Variants in NEK1 observed in about 807,000 individuals in gnomAD.
NEK1 encodes the protein NIMA related kinase 1.
NEK1 carries 137 observed loss-of-function variants against 182.1 expected under a neutral mutation model. The observed-to-expected ratio is 0.75, with a 90% CI of 0.65 to 0.87. The LOEUF (loss-of-function observed/expected upper bound fraction) is 0.87. Among genes scored for constraint, NEK1 ranks in the 40% least tolerant of loss-of-function variants. The pLI is 0.00. For missense variants in NEK1, 1,391 were observed against 1,494.4 expected (o/e 0.93, Z 1.14); for synonymous variants, 513 against 492.2 (o/e 1.04, Z -0.56).
intron 26 of NEK1, among the ~76,000 whole-genome samples, chr4:169,466,130 G>A (rs1036188782): frequency 1.2e-4 from 18 of 151,834 alleles, no homozygotes; most frequent in African/African-American, 3.6e-4. Context: ...AAGACTGACC[G>A]TGATAGAGGT....
intron 27 of NEK1, among the ~76,000 whole-genome samples, chr4:169,446,213 T>C (rs1040195254): frequency 4.0e-5 from 6 of 149,280 alleles, no homozygotes; most frequent in African/African-American, 1.5e-4. Context: ...CAGAACAAAA[T>C]CAAACAGACA....
At chr4:169,588,776 G>T in intron 7 of NEK1, 41 bp from the exon 8 acceptor site, 1 of 1,210,140 alleles carries the variant, frequency 8.3e-7, no homozygotes, top group Non-Finnish European at 1.2e-6. Flanking sequence ...TAAAGACACA[G>T]TCATGTGCCA....
At chr4:169,471,435 C>T (rs1745941400) in intron 26 of NEK1, among the ~76,000 whole-genome samples, 1 of 152,134 alleles carries the variant, frequency 6.6e-6, no homozygotes. Flanking sequence ...CCCTGTTTGC[C>T]TGGGTATCTC....
chr4:169,569,047 A>C (rs747071120), intron 12 of NEK1, among the ~76,000 whole-genome samples: 1 of 152,210 alleles, frequency 6.6e-6, no homozygotes, highest in Non-Finnish European at 1.5e-5. Context: ...CTTTTATTAT[A>C]TAAAACTCTT....
At chr4:169,422,766 A>G (rs892783415) in intron 31 of NEK1, among the ~76,000 whole-genome samples, 3 of 152,080 alleles carry the variant, frequency 2.0e-5, no homozygotes, top group African/African-American at 7.2e-5. Context: ...CTTCTATAGA[A>G]CTCTTAAGGT....
Position 169,561,765 on chromosome 4 carries a change from T to A in NEK1, c.1141-28A>T, listed in dbSNP as rs1762942208. The A allele has an allele frequency of 1.9e-6, 3 of 1,595,434 alleles. No homozygotes were observed. In the South Asian group the frequency reaches 3.4e-5, roughly 18 times the overall value. ...GTAACAATTTTAAAGACAAGCTTCT[T>A]ACAACTCTTGAACCTATTATCACTT... On this transcript the variant is annotated intron_variant, in intron 14 of 35. Transcript: ENST00000507142.
chr4:169,555,044 T>C (rs1761972463), intron 18 of NEK1: 1 of 152,256 alleles, frequency 6.6e-6, no homozygotes, highest in Non-Finnish European at 1.5e-5. Flanking sequence ...ACAAAATTTG[T>C]CTCACTATTC....
intron 2 of NEK1, among the ~76,000 whole-genome samples, chr4:169,603,225 A>T (rs1397899022): frequency 6.6e-6 from 1 of 152,194 alleles, no homozygotes; most frequent in Non-Finnish European, 1.5e-5. Context: ...AGAACTGTCT[A>T]CTAATACGTA....
intron 31 of NEK1, among the ~76,000 whole-genome samples, chr4:169,417,447 G>A (rs540299308): frequency 6.6e-6 from 1 of 152,260 alleles, no homozygotes; most frequent in South Asian, 2.1e-4. Flanking sequence ...ATTTCACACA[G>A]GCAGCCACAG....
Position 169,479,486 on chromosome 4 carries a change from G to A in NEK1, c.2056C>T (p.Gln686Ter). 1 of 1,611,116 alleles carries A rather than the reference G, an allele frequency of 6.2e-7. No homozygotes were observed. The highest frequency in any genetic ancestry group is 8.5e-7 in the Non-Finnish European group (1 of 1,178,674). The change falls in exon 24 of 36, where the codon CAG becomes TAG. Residue 686 changes from glutamine to a stop codon, truncating the protein, a stop_gained. Coordinates refer to ENST00000507142, the MANE Select transcript of NEK1 (RefSeq NM_001199397.3). LOFTEE classifies it high-confidence loss of function. ...KSSDVSPPLG[Q>*]HETGGSPSKQ... is the part of the protein sequence containing the mutation. ...GATGGAGAGCCACCTGTTTCATGCT[G>A]TCCCAAAGGTGGAGAAACATCAGAA...
intron 4 of NEK1, among the ~76,000 whole-genome samples, chr4:169,600,661 C>T (rs1770327590): frequency 6.6e-6 from 1 of 151,986 alleles, no homozygotes; most frequent in Non-Finnish European, 1.5e-5. Context: ...CTGGAAAGAT[C>T]ATCCAAATAT....
intron 23 of NEK1, among the ~76,000 whole-genome samples, chr4:169,481,238 A>G (rs1747944202): frequency 6.6e-6 from 1 of 152,190 alleles, no homozygotes; most frequent in Non-Finnish European, 1.5e-5. Context: ...AATGGAGTCA[A>G]CTTCTTCCAA....
intron 31 of NEK1, among the ~76,000 whole-genome samples, chr4:169,423,019 T>C (rs1735748885): frequency 6.6e-6 from 1 of 152,124 alleles, no homozygotes; most frequent in African/African-American, 2.4e-5. Context: ...AATTTAATAA[T>C]CTCTAAATTT....
rs752125667 is a variant in NEK1, at chr4:169,463,325, C to A, written c.2505G>T (p.Pro835=). 1.2e-6 allele frequency: 2 copies of A among 1,609,900 alleles called. No homozygotes were observed. The highest frequency in any genetic ancestry group is 1.3e-5 in the African/African-American group (1 of 74,778). ...CAAGTATCTTTAGAACAGAATCTGT[C>A]GGACTTTTCCCCCAGGCTCTTCTTG... ...GSPRRAWGKS[P]TDSVLKILGE... Residue 835 remains proline, a synonymous_variant, in exon 27 of 36, where the codon CCG becomes CCT. Coordinates refer to ENST00000507142, the MANE Select transcript of NEK1 (RefSeq NM_001199397.3).
chr4:169,444,665 A>T (rs924245072), intron 27 of NEK1, among the ~76,000 whole-genome samples: 1 of 152,194 alleles, frequency 6.6e-6, no homozygotes, highest in Non-Finnish European at 1.5e-5. Flanking sequence ...TGTGGACTTC[A>T]ACGCCCCATG....
At chr4:169,433,808 G>T in intron 28 of NEK1, 143 bp from the exon 29 acceptor site, 1 of 753,290 alleles carries the variant, frequency 1.3e-6, no homozygotes. Flanking sequence ...CTCTCTATAG[G>T]GTTTAACTCT....
intron 5 of NEK1, among the ~76,000 whole-genome samples, chr4:169,593,416 G>T (rs1021942919): frequency 7.2e-5 from 11 of 152,156 alleles, no homozygotes. Flanking sequence ...GGGGAGATGG[G>T]TAAGTAAACC....
chr4:169,502,777 C>T (rs897195329), intron 23 of NEK1, among the ~76,000 whole-genome samples: 1 of 152,072 alleles, frequency 6.6e-6, no homozygotes, highest in East Asian at 1.9e-4. Context: ...CAACATCATG[C>T]TGAATGAGCA....
intron 31 of NEK1, among the ~76,000 whole-genome samples, chr4:169,421,631 C>T (rs547040066): frequency 6.6e-6 from 1 of 152,266 alleles, no homozygotes; most frequent in African/African-American, 2.4e-5. Flanking sequence ...TCTCCTGCTG[C>T]CATGTAAGAT....
Sources: allele counts gnomAD v4.1 joint callset (sites outside exome capture counted in the v4.1 genomes callset), GRCh38; gene constraint gnomAD v4.1.1; transcripts MANE v1.5; gene names NCBI Gene and HGNC (gene_info 2026-07-23, HGNC 2026-07-21).